MAL2: variants seen among roughly 807,000 people sequenced by gnomAD.
MAL2 encodes mal, T cell differentiation protein 2.
A neutral mutation model predicts 18.1 loss-of-function variants in MAL2; 17 were observed. The ratio of observed to expected loss-of-function variants is 0.94; its 90% CI spans 0.64 to 1.41. The LOEUF (loss-of-function observed/expected upper bound fraction) is 1.41, where lower values mean the gene tolerates loss of function less well. Ranked by LOEUF, MAL2 falls within the 40% of genes most tolerant of loss-of-function variation. The pLI is 0.00. For synonymous variants in MAL2, 102 were observed against 102.3 expected (o/e 1.00, Z 0.02); for missense variants, 222 against 231.9 (o/e 0.96, Z 0.28).
intron 2 of MAL2, among the ~76,000 whole-genome samples, chr8:119,225,685 G>A (rs1817578199): frequency 6.6e-6 from 1 of 152,176 alleles, no homozygotes; most frequent in Non-Finnish European, 1.5e-5. Context: ...GATCCCTGAG[G>A]AATCGCCACA....
intron 2 of MAL2, among the ~76,000 whole-genome samples, chr8:119,229,057 TA>T (rs888498854): frequency 1.3e-5 from 2 of 152,124 alleles, no homozygotes; most frequent in African/African-American, 4.8e-5. Flanking sequence ...TATGTGCCCA[TA>T]ATGCCAGGTA....
Position 119,213,755 on chromosome 8 carries a change from T to G in MAL2, c.132+5151T>G, listed in dbSNP as rs552785311. 1.5e-3 allele frequency among the ~76,000 whole-genome samples: 225 copies of G among 152,068 alleles called. 1 individual carries two copies. Among genetic ancestry groups the G allele is most frequent in the African/African-American group, 4.8e-3 (201 of 41,502 alleles). ...AATTGCTTGAACCTGGGAGGCAGAG[T>G]TGCAGTGAGCCAAGATCGCACCATC... On this transcript the variant is annotated intron_variant, in intron 1 of 3. Coordinates refer to ENST00000614891, the MANE Select transcript of MAL2 (RefSeq NM_052886.3).
At chr8:119,223,416 T>C (rs1817510419) in intron 2 of MAL2, 1 of 152,262 alleles carries the variant, frequency 6.6e-6, no homozygotes, top group African/African-American at 2.4e-5. Context: ...ATATTTGGTA[T>C]TGAGTACAGT....
At chr8:119,233,853 G>A (rs1817796587) in intron 2 of MAL2, among the ~76,000 whole-genome samples, 1 of 152,054 alleles carries the variant, frequency 6.6e-6, no homozygotes. Flanking sequence ...TGATACCAAA[G>A]CCGGGAAGAG....
chr8:119,240,419 C>G, intron 3 of MAL2, 99 bp downstream of exon 3: 1 of 1,255,368 alleles, frequency 8.0e-7, no homozygotes, highest in Admixed American at 2.3e-5. Flanking sequence ...TTCTTCAATG[C>G]TAGCCATTGG....
chr8:119,213,284 A>G (rs1817293793), intron 1 of MAL2, among the ~76,000 whole-genome samples: 1 of 152,212 alleles, frequency 6.6e-6, no homozygotes, highest in African/African-American at 2.4e-5. Context: ...TCATGCAGAT[A>G]AATCTATGAA....
intron 1 of MAL2, among the ~76,000 whole-genome samples, chr8:119,211,347 T>C (rs1183837366): frequency 6.6e-6 from 1 of 152,210 alleles, no homozygotes; most frequent in Admixed American, 6.5e-5. Flanking sequence ...AATTTTGACC[T>C]TCTGTTCAAA....
chr8:119,215,252 T>C, intron 1 of MAL2: 1 of 152,324 alleles, frequency 6.6e-6, no homozygotes, highest in Admixed American at 6.5e-5. Context: ...ATATTCTCGC[T>C]TCACTCGTTT....
In MAL2 at chr8:119,225,746, A is replaced by G. The variant is rs572293249; in HGVS notation, c.303+3989A>G. ...TTTACATTCCCACCAACAGTGTAAA[A>G]GTGTTCCTATTTCTCCACATCCTCT... On this transcript the variant is annotated intron_variant, in intron 2 of 3. Transcript: ENST00000614891. Among the ~76,000 whole-genome samples, 355 of 152,208 alleles carry G rather than the reference A, an allele frequency of 2.3e-3. 4 individuals carry two copies. Among genetic ancestry groups the G allele is most frequent in the Non-Finnish European group, 1.6e-3 (111 of 68,000 alleles).
At chr8:119,210,272 A>G (rs1817249587) in intron 1 of MAL2, among the ~76,000 whole-genome samples, 2 of 152,166 alleles carry the variant, frequency 1.3e-5, no homozygotes, top group Admixed American at 6.5e-5. Flanking sequence ...ATACATGTGT[A>G]TATGCAAAGA....
At chr8:119,225,678 C>CCTAGATT (rs1817577893) in intron 2 of MAL2, among the ~76,000 whole-genome samples, 1 of 152,148 alleles carries the variant, frequency 6.6e-6, no homozygotes, top group Non-Finnish European at 1.5e-5. Context: ...AGTTCTAGAT[C>CCTAGATT]CCTGAGGAAT....
At chr8:119,236,578 A>T (rs1817901746) in intron 2 of MAL2, among the ~76,000 whole-genome samples, 1 of 151,892 alleles carries the variant, frequency 6.6e-6, no homozygotes, top group Non-Finnish European at 1.5e-5. Flanking sequence ...AAAGAACAGA[A>T]ATTATAACAA....
intron 2 of MAL2, among the ~76,000 whole-genome samples, chr8:119,235,663 T>C (rs1162231862): frequency 6.6e-6 from 1 of 151,632 alleles, no homozygotes; most frequent in Non-Finnish European, 1.5e-5. Context: ...TAAAGAATTT[T>C]CAACCCAGAA....
intron 1 of MAL2, among the ~76,000 whole-genome samples, chr8:119,218,677 C>G (rs1462584906): frequency 6.6e-6 from 1 of 152,088 alleles, no homozygotes; most frequent in East Asian, 1.9e-4. Context: ...GCAGTAGGTT[C>G]GGGGCTGGCC....
intron 3 of MAL2, among the ~76,000 whole-genome samples, chr8:119,241,222 A>G (rs188604837): frequency 3.9e-5 from 6 of 152,258 alleles, no homozygotes; most frequent in Admixed American, 2.0e-4. Context: ...TCATGTGGCT[A>G]TTGAGCAGTT....
At chr8:119,212,704 G>A (rs889284122) in intron 1 of MAL2, among the ~76,000 whole-genome samples, 2 of 152,180 alleles carry the variant, frequency 1.3e-5, no homozygotes, top group African/African-American at 4.8e-5. Flanking sequence ...TCAATAATGA[G>A]CCATGGTTCA....
At chr8:119,240,369 C>G (rs1254357492) in intron 3 of MAL2, 49 bp downstream of exon 3, 1 of 1,577,914 alleles carries the variant, frequency 6.3e-7, no homozygotes, top group Non-Finnish European at 8.6e-7. Flanking sequence ...TTCCGCTCCA[C>G]TGTCAAGGCC....
intron 2 of MAL2, among the ~76,000 whole-genome samples, chr8:119,234,491 C>T (rs1817829232): frequency 6.6e-6 from 1 of 152,214 alleles, no homozygotes; most frequent in South Asian, 2.1e-4. Flanking sequence ...TCTGTAGGCT[C>T]CACCTCTGGG....
At chr8:119,238,410 G>A (rs1412612571) in intron 2 of MAL2, among the ~76,000 whole-genome samples, 1 of 152,098 alleles carries the variant, frequency 6.6e-6, no homozygotes, top group Non-Finnish European at 1.5e-5. Context: ...TTTCTTCACA[G>A]AATTGGAAAA....
Sources: allele counts gnomAD v4.1 joint callset (sites outside exome capture counted in the v4.1 genomes callset), GRCh38; gene constraint gnomAD v4.1.1; transcripts MANE v1.5; gene names NCBI Gene and HGNC (gene_info 2026-07-23, HGNC 2026-07-21).